The following FBXO15 variants were observed in gnomAD, a reference collection of about 807,000 sequenced individuals.
FBXO15 encodes the protein F-box only protein 15.
In FBXO15, 30 loss-of-function variants were observed where a neutral mutation model predicts 49.5. The ratio of observed to expected loss-of-function variants is 0.61; its 90% CI spans 0.45 to 0.82. The LOEUF (loss-of-function observed/expected upper bound fraction) is 0.82. Among genes scored for constraint, FBXO15 ranks in the 40% least tolerant of loss-of-function variants. The pLI is 0.00. For synonymous variants in FBXO15, 250 were observed against 232.7 expected (o/e 1.07, Z -0.68); for missense variants, 591 against 631.5 (o/e 0.94, Z 0.69).
chr18:74,105,448 GT>G (rs201996238), intron 8 of FBXO15, among the ~76,000 whole-genome samples: 11 of 150,888 alleles, frequency 7.3e-5, no homozygotes, highest in Non-Finnish European at 1.6e-4. Flanking sequence ...TTTCCCAAAG[GT>G]TTTTTTTTGA....
At chr18:74,119,470 C>T (rs772020451) in intron 8 of FBXO15, among the ~76,000 whole-genome samples, 30 of 152,124 alleles carry the variant, frequency 2.0e-4, no homozygotes, top group African/African-American at 3.4e-4. Context: ...AATAAGTAAA[C>T]TCAGTGTGAT....
intron 8 of FBXO15, among the ~76,000 whole-genome samples, chr18:74,103,859 T>C (rs1913631794): frequency 6.6e-6 from 1 of 152,150 alleles, no homozygotes; most frequent in African/African-American, 2.4e-5. Context: ...AGACCTATCT[T>C]ATAAGAAATG....
chr18:74,095,738 C>G (rs1913244366), intron 8 of FBXO15, among the ~76,000 whole-genome samples: 1 of 152,150 alleles, frequency 6.6e-6, no homozygotes, highest in Non-Finnish European at 1.5e-5. Flanking sequence ...AAAACTGGCA[C>G]CAATAGATGT....
chr18:74,082,156 C>G (rs1420630416), intron 8 of FBXO15, 105 bp from the exon 9 acceptor site: 35 of 1,227,672 alleles, frequency 2.9e-5, no homozygotes, highest in Non-Finnish European at 3.9e-5. Flanking sequence ...CTGGTAAGCC[C>G]TGGCCTCAGC....
intron 2 of FBXO15, 33 bp from the exon 3 acceptor site, chr18:74,135,899 C>G: frequency 6.5e-7 from 1 of 1,534,608 alleles, no homozygotes. Context: ...AAAAAATCAC[C>G]AGAGTGGACC....
intron 8 of FBXO15, among the ~76,000 whole-genome samples, chr18:74,120,181 A>G (rs908994567): frequency 6.6e-6 from 1 of 152,236 alleles, no homozygotes; most frequent in Non-Finnish European, 1.5e-5. Flanking sequence ...CATGAATATA[A>G]CAGAGCTTCA....
chr18:74,131,369 G>C (rs931245436), intron 3 of FBXO15, among the ~76,000 whole-genome samples: 7 of 152,112 alleles, frequency 4.6e-5, no homozygotes, highest in Non-Finnish European at 1.0e-4. Flanking sequence ...AGCTGGCCCA[G>C]GTCTGTGCAC....
intron 8 of FBXO15, among the ~76,000 whole-genome samples, chr18:74,091,796 C>T (rs1481550760): frequency 6.6e-6 from 1 of 152,134 alleles, no homozygotes; most frequent in Non-Finnish European, 1.5e-5. Flanking sequence ...TGCCCCTTCC[C>T]CCAGCTGCCT....
rs148845776 is a variant in FBXO15 at position 74,117,466 on chromosome 18, T to TCA, written c.1138+5900_1138+5901dup. ...CAAAACTTTGGAAATACACTGACAG[T>TCA]CACACACACACACAAGAAGATACAC... On this transcript the variant is annotated intron_variant, in intron 8 of 9. Coordinates refer to ENST00000419743, the MANE Select transcript of FBXO15 (RefSeq NM_001142958.2). 3.5e-3 allele frequency among the ~76,000 whole-genome samples: 526 copies of TCA among 151,520 alleles called. 2 individuals carry two copies. Among genetic ancestry groups the TCA allele is most frequent in the African/African-American group, 0.012 (498 of 41,380 alleles).
intron 3 of FBXO15, 74 bp from the exon 4 acceptor site, chr18:74,130,732 G>C (rs1978345972): frequency 6.9e-7 from 1 of 1,443,948 alleles, no homozygotes; most frequent in African/African-American, 1.4e-5. Context: ...TCAAATTAGA[G>C]ATGCATATTT....
intron 8 of FBXO15, among the ~76,000 whole-genome samples, chr18:74,091,972 T>C (rs923549861): frequency 1.3e-5 from 2 of 152,242 alleles, no homozygotes; most frequent in African/African-American, 4.8e-5. Context: ...TCATAAAATA[T>C]GTTTTTCAAG....
intron 6 of FBXO15, among the ~76,000 whole-genome samples, chr18:74,125,353 G>A (rs1254615842): frequency 6.6e-6 from 1 of 152,168 alleles, no homozygotes; most frequent in East Asian, 1.9e-4. Context: ...GGATGAGGAT[G>A]GTGTTGTCTG....
At chr18:74,111,664 G>GA (rs560879312) in intron 8 of FBXO15, among the ~76,000 whole-genome samples, 15 of 149,834 alleles carry the variant, frequency 1.0e-4, no homozygotes, top group African/African-American at 2.9e-4. Flanking sequence ...AAACTAAGAA[G>GA]AAAAAAAAGA....
At chr18:74,127,290 T>C (rs1195411746) in intron 5 of FBXO15, among the ~76,000 whole-genome samples, 1 of 152,254 alleles carries the variant, frequency 6.6e-6, no homozygotes, top group Non-Finnish European at 1.5e-5. Context: ...GGGAATGTGC[T>C]GAGTCCTCAT....
At position 74,126,043 on chromosome 18, in the gene FBXO15, T is replaced by C. The variant is rs1244665341; in HGVS notation, c.844A>G (p.Met282Val). The change falls in exon 6 of 10, where the codon ATG becomes GTG. Residue 282 changes from methionine to valine, a missense_variant. Transcript: ENST00000419743. ...YNLSHLTISTMIGCDRLIRIF... is the reference protein window; with the variant it reads ...YNLSHLTISTVIGCDRLIRIF... ...CGAATGAGTCTGTCACAGCCAATCA[T>C]GGTAGATATGGTCAAATGACTCAGA... 1 of 1,614,048 alleles carries C rather than the reference T, an allele frequency of 6.2e-7. No individual in the cohort carries two copies. The highest frequency in any genetic ancestry group is 2.2e-5 in the East Asian group (1 of 44,870).
intron 8 of FBXO15, 110 bp downstream of exon 8, chr18:74,123,257 CA>C: frequency 1.6e-6 from 2 of 1,227,566 alleles, no homozygotes; most frequent in Non-Finnish European, 2.3e-6. Flanking sequence ...ATACTGGTGC[CA>C]AAAGATTATA....
intron 6 of FBXO15, 70 bp downstream of exon 6, chr18:74,125,905 A>G: frequency 1.9e-6 from 3 of 1,576,828 alleles, no homozygotes; most frequent in Non-Finnish European, 2.6e-6. Flanking sequence ...TTGAAGTCAT[A>G]CATAATGGTA....
intron 8 of FBXO15, among the ~76,000 whole-genome samples, chr18:74,106,298 T>A (rs1412308294): frequency 6.6e-6 from 1 of 152,126 alleles, no homozygotes; most frequent in Non-Finnish European, 1.5e-5. Context: ...GCAACATTAA[T>A]TACTGACATG....
rs1335758080 is a variant in FBXO15, at chr18:74,147,794, G to C, written c.-9C>G. ...CCGCGTCCAGTCGCCATAGAGACAA[G>C]GAGTTCACCACAGGACCGCGCCAGG... On this transcript the variant is annotated 5_prime_UTR_variant, in exon 1 of 10. Coordinates refer to ENST00000419743, the MANE Select transcript of FBXO15 (RefSeq NM_001142958.2). 4 of 1,527,494 alleles carry C rather than the reference G, an allele frequency of 2.6e-6. No homozygotes were observed. Among genetic ancestry groups the C allele is most frequent in the Non-Finnish European group, 3.5e-6 (4 of 1,140,048 alleles). 94.6% of individuals were successfully genotyped at this position (1,527,494 alleles called of 1,614,324 possible). A position where few individuals can be genotyped will look rare whatever the true frequency, so the allele number is the denominator to read the frequency against.
Sources: allele counts gnomAD v4.1 joint callset (sites outside exome capture counted in the v4.1 genomes callset), GRCh38; gene constraint gnomAD v4.1.1; transcripts MANE v1.5; gene names NCBI Gene and HGNC (gene_info 2026-07-23, HGNC 2026-07-21).